Variants in NRG3 observed in about 807,000 individuals in gnomAD.
The protein encoded by NRG3 is neuregulin 3.
A neutral mutation model predicts 66.9 loss-of-function variants in NRG3; 31 were observed. The ratio of observed to expected loss-of-function variants is 0.46; its 90% CI spans 0.35 to 0.63. NRG3 has a LOEUF of 0.63. NRG3 is among the 20% of genes least tolerant of loss of function. The pLI is 0.00. For missense variants in NRG3, 910 were observed against 878.9 expected (o/e 1.04, Z -0.45); for synonymous variants, 393 against 359.4 (o/e 1.09, Z -1.06).
chr10:81,889,056 A>G (rs977311677), intron 1 of NRG3: 4 of 152,304 alleles, frequency 2.6e-5, no homozygotes, highest in South Asian at 2.1e-4. Context: ...AGTCGCATCA[A>G]CAAAGCCCTA....
rs140299675 is a variant in NRG3, at chr10:82,578,745, C to T, written c.954-159832C>T. On this transcript the variant is annotated intron_variant, in intron 2 of 8. Coordinates refer to ENST00000372141, the MANE Select transcript of NRG3 (RefSeq NM_001010848.4). ...AACAGTGTGCTAAATTGTTTATGTC[C>T]ATTACTTTGCTTAACTTAGAAAATC... Among the ~76,000 whole-genome samples the T allele has an allele frequency of 4.5e-3, 681 of 151,762 alleles. 9 individuals carry two copies. The highest frequency in any genetic ancestry group is 0.015 in the African/African-American group (642 of 41,444).
chr10:82,447,276 G>A (rs201172172), intron 2 of NRG3, among the ~76,000 whole-genome samples: 2 of 152,194 alleles, frequency 1.3e-5, no homozygotes, highest in African/African-American at 2.4e-5. Flanking sequence ...TATAGGCCAC[G>A]GAGTGCAGGC....
intron 1 of NRG3, among the ~76,000 whole-genome samples, chr10:81,888,715 CT>C (rs1188297053): frequency 4.6e-5 from 7 of 152,066 alleles, no homozygotes; most frequent in Non-Finnish European, 1.0e-4. Context: ...ACGGCCTCAC[CT>C]TTTCCTTGGA....
intron 2 of NRG3, among the ~76,000 whole-genome samples, chr10:82,674,287 T>A (rs1039499269): frequency 1.1e-4 from 16 of 152,234 alleles, no homozygotes; most frequent in African/African-American, 3.6e-4. Flanking sequence ...TCTTCCTGCA[T>A]GTTACTACAT....
chr10:82,441,600 C>T (rs1362151123), intron 2 of NRG3, among the ~76,000 whole-genome samples: 3 of 151,994 alleles, frequency 2.0e-5, no homozygotes, highest in Admixed American at 6.6e-5. Flanking sequence ...GCCCGCACAG[C>T]GATGAGAGAG....
chr10:82,246,214 A>C (rs1009856186), intron 1 of NRG3, among the ~76,000 whole-genome samples: 1 of 152,134 alleles, frequency 6.6e-6, no homozygotes, highest in Non-Finnish European at 1.5e-5. Context: ...TTTAAAAAGA[A>C]AAGACTTGGG....
At chr10:82,296,421 AG>A (rs1423102403) in intron 1 of NRG3, among the ~76,000 whole-genome samples, 3 of 152,194 alleles carry the variant, frequency 2.0e-5, no homozygotes, top group Admixed American at 6.5e-5. Flanking sequence ...GGAGTGGTTG[AG>A]AGAAGAGATA....
intron 2 of NRG3, among the ~76,000 whole-genome samples, chr10:82,490,683 T>C (rs1843017838): frequency 6.6e-6 from 1 of 152,106 alleles, no homozygotes; most frequent in Non-Finnish European, 1.5e-5. Context: ...ATATCCCTAT[T>C]TGGCTGTCTA....
At chr10:82,461,906 G>A (rs570319101) in intron 2 of NRG3, among the ~76,000 whole-genome samples, 2 of 152,228 alleles carry the variant, frequency 1.3e-5, no homozygotes, top group African/African-American at 4.8e-5. Context: ...TGAGGTGGGT[G>A]GATCACCTGA....
intron 2 of NRG3, among the ~76,000 whole-genome samples, chr10:82,504,371 A>AT (rs374964212): frequency 1.1e-4 from 17 of 151,984 alleles, no homozygotes; most frequent in Non-Finnish European, 1.8e-4. Flanking sequence ...TCAGCATAGC[A>AT]TTTTTTTTCC....
At chr10:82,097,540 A>G (rs918921591) in intron 1 of NRG3, among the ~76,000 whole-genome samples, 7 of 150,946 alleles carry the variant, frequency 4.6e-5, no homozygotes, top group Non-Finnish European at 1.0e-4. Flanking sequence ...ATATATATAT[A>G]TAGGCACACC....
At chr10:82,749,005 A>G (rs1379332760) in intron 3 of NRG3, among the ~76,000 whole-genome samples, 1 of 152,038 alleles carries the variant, frequency 6.6e-6, no homozygotes, top group Non-Finnish European at 1.5e-5. Flanking sequence ...GAGCATCATT[A>G]TTTTTGATGC....
At chr10:82,238,734 C>T (rs774655124) in intron 1 of NRG3, among the ~76,000 whole-genome samples, 2 of 151,806 alleles carry the variant, frequency 1.3e-5, no homozygotes, top group African/African-American at 2.4e-5. Flanking sequence ...TTTGATTAAA[C>T]ATTCTATTTT....
chr10:82,272,897 A>G (rs1455996709), intron 1 of NRG3, among the ~76,000 whole-genome samples: 1 of 152,024 alleles, frequency 6.6e-6, no homozygotes, highest in Admixed American at 6.6e-5. Context: ...TATGGCCTTA[A>G]AACTGTGGGC....
At chr10:82,951,353 C>T in intron 4 of NRG3, 116 bp from the exon 5 acceptor site, 2 of 711,492 alleles carry the variant, frequency 2.8e-6, no homozygotes, top group Non-Finnish European at 4.8e-6. Context: ...CTATTTATGA[C>T]AGAAACCAAA....
intron 1 of NRG3, among the ~76,000 whole-genome samples, chr10:81,904,457 G>C (rs1476489802): frequency 6.6e-6 from 1 of 151,944 alleles, no homozygotes; most frequent in Non-Finnish European, 1.5e-5. Flanking sequence ...CTTAGTCTCT[G>C]CTTGGACTCC....
chr10:82,706,003 T>C (rs1056148150), intron 2 of NRG3, among the ~76,000 whole-genome samples: 2 of 152,224 alleles, frequency 1.3e-5, no homozygotes, highest in African/African-American at 4.8e-5. Context: ...AATTTTGTGC[T>C]GCCTGGAGTT....
At chr10:82,814,670 G>A (rs1202688239) in intron 3 of NRG3, among the ~76,000 whole-genome samples, 1 of 152,186 alleles carries the variant, frequency 6.6e-6, no homozygotes, top group Non-Finnish European at 1.5e-5. Context: ...TTAGGACCAA[G>A]AAGTCAGAAT....
intron 4 of NRG3, among the ~76,000 whole-genome samples, chr10:82,902,313 T>C (rs913319827): frequency 6.6e-6 from 1 of 152,162 alleles, no homozygotes; most frequent in Admixed American, 6.5e-5. Flanking sequence ...TTAAAAAGAT[T>C]ACATTATTTT....
Sources: allele counts gnomAD v4.1 joint callset (sites outside exome capture counted in the v4.1 genomes callset), GRCh38; gene constraint gnomAD v4.1.1; transcripts MANE v1.5; gene names NCBI Gene and HGNC (gene_info 2026-07-23, HGNC 2026-07-21).